EPHA8: variants seen among roughly 807,000 people sequenced by gnomAD.
The protein encoded by EPHA8 is ephrin type-A receptor 8.
Under a neutral mutation model 103.6 loss-of-function variants are expected in EPHA8, and 58 were observed. That is an observed-to-expected ratio of 0.56 (90% CI 0.45 to 0.70). The LOEUF (loss-of-function observed/expected upper bound fraction) is 0.70. Among genes scored for constraint, EPHA8 ranks in the 30% least tolerant of loss-of-function variants. EPHA8 has a pLI of 0.00. For synonymous variants in EPHA8, 559 were observed against 572.5 expected (o/e 0.98, Z 0.34); for missense variants, 1,304 against 1,395.2 (o/e 0.93, Z 1.04).
At chr1:22,572,437 C>T (rs149380290) in intron 2 of EPHA8, among the ~76,000 whole-genome samples, 20 of 152,358 alleles carry the variant, frequency 1.3e-4, no homozygotes, top group Admixed American at 9.8e-4. Context: ...AGCAATTCTA[C>T]GAAGACTGGG....
At chr1:22,595,201 G>C (rs1276004632) in intron 7 of EPHA8, 29 bp from the exon 8 acceptor site, 20 of 1,580,672 alleles carry the variant, frequency 1.3e-5, no homozygotes, top group Non-Finnish European at 1.7e-5. Context: ...CTGAGAGCCT[G>C]GTCCCCCAAC....
intron 3 of EPHA8, among the ~76,000 whole-genome samples, chr1:22,585,048 T>TGCGCGCGC (rs1553146979): frequency 4.5e-5 from 5 of 111,284 alleles, no homozygotes; most frequent in African/African-American, 2.3e-4. Flanking sequence ...TGTGTGTGTG[T>TGCGCGCGC]GTGCGCACGC....
chr1:22,588,136 G>T (rs1327929096), intron 4 of EPHA8, among the ~76,000 whole-genome samples: 1 of 152,184 alleles, frequency 6.6e-6, no homozygotes, highest in African/African-American at 2.4e-5. Flanking sequence ...CTGATTCCAA[G>T]ATCTTACAAT....
At chr1:22,600,832 G>A in intron 14 of EPHA8, 22 bp downstream of exon 14, 1 of 1,593,200 alleles carries the variant, frequency 6.3e-7, no homozygotes, top group Non-Finnish European at 8.6e-7. Flanking sequence ...GCCCTGGCAG[G>A]TCCGCGGGCG....
At chr1:22,595,150 A>C (rs572619439) in intron 7 of EPHA8, 80 bp from the exon 8 acceptor site, 2 of 1,189,586 alleles carry the variant, frequency 1.7e-6, no homozygotes, top group African/African-American at 3.0e-5. Flanking sequence ...ACAGCCAGGC[A>C]GGCTCAGAGG....
intron 5 of EPHA8, among the ~76,000 whole-genome samples, chr1:22,592,594 C>T (rs576885457): frequency 6.6e-5 from 10 of 152,324 alleles, no homozygotes; most frequent in Admixed American, 5.2e-4. Context: ...AGGGAGCTCC[C>T]GGTTGTGCTG....
chr1:22,598,748 C>T lies in EPHA8; in HGVS notation c.2179-90C>T, dbSNP rs1211314342. 11 of 1,357,134 alleles carry T rather than the reference C, an allele frequency of 8.1e-6. No individual in the cohort carries two copies. Among genetic ancestry groups the T allele is most frequent in the South Asian group, 2.6e-5 (2 of 76,946 alleles). The allele number at this position is 1,357,134 out of a possible 1,614,324, so 84.1% of individuals were successfully genotyped here. On this transcript the variant is annotated intron_variant, in intron 12 of 16. Coordinates refer to ENST00000166244, the MANE Select transcript of EPHA8 (RefSeq NM_020526.5). This position sits in a 1 kb window ranked among gnomAD's most constrained non-coding sequence, Gnocchi z 5.1. ...CAAATTGCAAAGCACCGTCTCAACT[C>T]GAGAGCATCCTACAGATGGGAGGTG...
rs200414318 is a variant in EPHA8, at chr1:22,598,831, C to T, written c.2179-7C>T. The T allele has an allele frequency of 1.2e-3, 1,939 of 1,611,796 alleles. 15 individuals are homozygous for T. In the Middle Eastern group the frequency reaches 0.017, roughly 14 times the overall value. ...TTTCCTGAAGTCCAAGCCATGTCCC[C>T]CTGCAGACCCACGACGGGCAGTTCA... is the stretch of plus-strand genomic sequence containing the variant. On this transcript the variant is annotated splice_region_variant and splice_polypyrimidine_tract_variant and intron_variant, in intron 12 of 16. Transcript: ENST00000166244. The surrounding 1 kb of genome is among the most constrained non-coding windows in gnomAD (Gnocchi z 5.1).
chr1:22,598,879 G>A lies in EPHA8; in HGVS notation c.2220G>A (p.Met740Ile), dbSNP rs371556187. ...TCACCATCATGCAGCTGGTGGGCAT[G>A]CTGAGAGGAGTGGGTGCCGGCATGC... The part of the protein sequence containing the change: ...GQFTIMQLVG[M>I]LRGVGAGMRY... The change falls in exon 13 of 17, where the codon ATG (methionine) becomes ATA (isoleucine). Residue 740 changes from methionine (M) to isoleucine (I), a missense_variant. Met to Ile is a conservative substitution (Grantham distance 10). Coordinates refer to ENST00000166244, the MANE Select transcript of EPHA8 (RefSeq NM_020526.5). The surrounding 1 kb of genome is among the most constrained non-coding windows in gnomAD (Gnocchi z 5.1). 1 of 1,613,136 alleles carries A rather than the reference G, an allele frequency of 6.2e-7. No homozygotes were observed. The highest frequency in any genetic ancestry group is 8.5e-7 in the Non-Finnish European group (1 of 1,179,982).
intron 2 of EPHA8, among the ~76,000 whole-genome samples, chr1:22,570,535 A>ATACTT (rs1294462169): frequency 3.3e-5 from 5 of 152,204 alleles, no homozygotes; most frequent in Admixed American, 6.5e-5. Flanking sequence ...CGACACCAAC[A>ATACTT]GGTAACATTT....
Position 22,600,823 on chromosome 1 carries a change from C to A in EPHA8, c.2538+13C>A, listed in dbSNP as rs752004869. The A allele has an allele frequency of 3.1e-6, 5 of 1,597,698 alleles. No individual in the cohort carries two copies. The highest frequency in any genetic ancestry group is 3.4e-6 in the Non-Finnish European group (4 of 1,170,476). On this transcript the variant is annotated intron_variant, in intron 14 of 16. Coordinates refer to ENST00000166244, the MANE Select transcript of EPHA8 (RefSeq NM_020526.5). ...GACCAACCGGGATGTGAGTGCCAAG[C>A]CCTGGCAGGTCCGCGGGCGGTGGAG... is the stretch of plus-strand genomic sequence containing the variant.
intron 3 of EPHA8, among the ~76,000 whole-genome samples, chr1:22,585,107 G>A (rs997268479): frequency 6.6e-6 from 1 of 151,760 alleles, no homozygotes; most frequent in African/African-American, 2.4e-5. Flanking sequence ...CTTAAAAGAG[G>A]AGCTCAGTAG....
intron 2 of EPHA8, among the ~76,000 whole-genome samples, chr1:22,572,767 G>T (rs990914058): frequency 6.6e-6 from 1 of 152,222 alleles, no homozygotes; most frequent in South Asian, 2.1e-4. Flanking sequence ...AGAGTTGGGG[G>T]AGCAGCGTGC....
intron 5 of EPHA8, among the ~76,000 whole-genome samples, chr1:22,590,951 C>G (rs1641356031): frequency 6.6e-6 from 1 of 151,732 alleles, no homozygotes; most frequent in African/African-American, 2.4e-5. Context: ...TCACATCCAT[C>G]CCCCCCTAAA....
rs935059081 is a variant in EPHA8 at position 22,598,597 on chromosome 1, T to C, written c.2179-241T>C. ...CTTAACCTCTCTGGGCCTCCATCTC[T>C]CGTTCCACAAAATGGGTAAGCAGTC... On this transcript the variant is annotated intron_variant, in intron 12 of 16. Coordinates refer to ENST00000166244, the MANE Select transcript of EPHA8 (RefSeq NM_020526.5). This position sits in a 1 kb window ranked among gnomAD's most constrained non-coding sequence, Gnocchi z 5.1. Among the ~76,000 whole-genome samples the C allele has an allele frequency of 7.9e-5, 12 of 152,198 alleles. No individual in the cohort carries two copies. The highest frequency in any genetic ancestry group is 2.9e-4 in the African/African-American group (12 of 41,528).
intron 3 of EPHA8, among the ~76,000 whole-genome samples, chr1:22,583,632 A>G (rs1425298143): frequency 6.6e-6 from 1 of 152,264 alleles, no homozygotes; most frequent in Non-Finnish European, 1.5e-5. Flanking sequence ...CTGCCCTGGC[A>G]TGAATTTATG....
rs77440411 is a variant in EPHA8, at chr1:22,585,052, C to T, written c.824-1428C>T. 6.5e-3 allele frequency among the ~76,000 whole-genome samples: 946 copies of T among 144,464 alleles called. 4 individuals carry two copies. The highest frequency in any genetic ancestry group is 0.02 in the African/African-American group (756 of 37,110). The allele number at this position is 144,464 out of a possible 152,430, so 94.8% of individuals were successfully genotyped here. ...CTGTGTGTGTGTGTGTGTGTGTGTGCGCACGCGTGTGTCTAGAGTTCCAGA... is the reference window on the plus strand; with the variant it reads ...CTGTGTGTGTGTGTGTGTGTGTGTGTGCACGCGTGTGTCTAGAGTTCCAGA... On this transcript the variant is annotated intron_variant, in intron 3 of 16. Transcript: ENST00000166244.
In EPHA8 at chr1:22,595,343, C is replaced by A; in HGVS notation, c.1697+20C>A. The A allele has an allele frequency of 6.3e-7, 1 of 1,599,508 alleles. No individual in the cohort carries two copies. The highest frequency in any genetic ancestry group is 8.5e-7 in the Non-Finnish European group (1 of 1,171,394). On this transcript the variant is annotated intron_variant, in intron 8 of 16. Coordinates refer to ENST00000166244, the MANE Select transcript of EPHA8 (RefSeq NM_020526.5). ...GAAGAGGTGGGTGGTCTGGCCCAGCCACACCCAGCCCCTCCTCTCAAGCAC... is the reference window on the plus strand; with the variant it reads ...GAAGAGGTGGGTGGTCTGGCCCAGCAACACCCAGCCCCTCCTCTCAAGCAC...
intron 1 of EPHA8, among the ~76,000 whole-genome samples, chr1:22,568,295 C>T (rs1640423661): frequency 6.6e-6 from 1 of 152,198 alleles, no homozygotes; most frequent in Non-Finnish European, 1.5e-5. Flanking sequence ...GGCTCTTTTC[C>T]CTACCATGTT....
Sources: allele counts gnomAD v4.1 joint callset (sites outside exome capture counted in the v4.1 genomes callset), GRCh38; gene constraint gnomAD v4.1.1; non-coding constraint Gnocchi (gnomAD v3.1); transcripts MANE v1.5; gene names NCBI Gene and HGNC (gene_info 2026-07-23, HGNC 2026-07-21).